MYO3B: variants seen among roughly 807,000 people sequenced by gnomAD.
The protein encoded by MYO3B is myosin-IIIb.
A neutral mutation model predicts 174.6 loss-of-function variants in MYO3B; 156 were observed. The observed-to-expected ratio is 0.89, with a 90% CI of 0.78 to 1.02. The LOEUF (loss-of-function observed/expected upper bound fraction) is 1.02. Among genes scored for constraint, MYO3B ranks in the 50% least tolerant of loss-of-function variants. The probability of loss-of-function intolerance (pLI) is 0.00; values close to 1 mark genes in which losing one functional copy is unlikely to be tolerated. For missense variants in MYO3B, 1,632 were observed against 1,639.4 expected, an observed-to-expected ratio of 1.00 and a Z score of 0.08; for synonymous variants, 563 against 569.1, an observed-to-expected ratio of 0.99 and a Z score of 0.15.
intron 32 of MYO3B, among the ~76,000 whole-genome samples, chr2:170,577,389 G>C (rs561873782): frequency 6.6e-6 from 1 of 152,140 alleles, no homozygotes; most frequent in African/African-American, 2.4e-5. Flanking sequence ...TACCTGGCAG[G>C]CACTCAATAA....
Position 170,214,759 on chromosome 2 carries a change from A to G in MYO3B, c.457A>G (p.Ile153Val). The change falls in exon 5 of 35, where the codon ATC becomes GTC. Residue 153 changes from isoleucine (I) to valine (V), a missense_variant. Coordinates refer to ENST00000408978, the MANE Select transcript of MYO3B (RefSeq NM_138995.5). ...TCAGCATTTGCACAACAACCGAATCATCCACCGTGATGTGAAGGGGAATAA... is the reference window on the plus strand; with the variant it reads ...TCAGCATTTGCACAACAACCGAATCGTCCACCGTGATGTGAAGGGGAATAA... ...GLQHLHNNRIIHRDVKGNNIL... is the reference protein window; with the variant it reads ...GLQHLHNNRIVHRDVKGNNIL... 1 of 1,614,182 alleles carries G rather than the reference A, an allele frequency of 6.2e-7. No homozygotes were observed. Among genetic ancestry groups the G allele is most frequent in the South Asian group, 1.1e-5 (1 of 91,070 alleles).
chr2:170,389,146 A>G (rs1439427226), intron 14 of MYO3B, among the ~76,000 whole-genome samples: 9 of 152,250 alleles, frequency 5.9e-5, no homozygotes, highest in African/African-American at 2.2e-4. Context: ...CATATGCAAC[A>G]TGGGCATAAT....
In MYO3B at chr2:170,443,987, G is replaced by C. The variant is rs752902189; in HGVS notation, c.2671G>C (p.Ala891Pro). ...TKTGNLAQTR[A>P]RITVASSSLP... ...CTCAGGTAATTTGGCCCAGACAAGA[G>C]CTAGGATAACAGTGGCCTCAAGTTC... is the stretch of plus-strand genomic sequence containing the variant. The change falls in exon 23 of 35, where the codon GCT becomes CCT. Residue 891 changes from alanine to proline, a missense_variant. Ala to Pro is a conservative substitution (Grantham distance 27). Coordinates refer to ENST00000408978, the MANE Select transcript of MYO3B (RefSeq NM_138995.5). 4.3e-6 allele frequency: 7 copies of C among 1,612,914 alleles called. No homozygotes were observed. The South Asian group carries it at 7.7e-5, about 18-fold the overall frequency.
chr2:170,599,522 G>A (rs552343036), intron 32 of MYO3B, among the ~76,000 whole-genome samples: 10 of 152,254 alleles, frequency 6.6e-5, no homozygotes, highest in South Asian at 2.1e-4. Context: ...CAAGGCAGGC[G>A]GATCATTTGA....
chr2:170,499,043 GTT>G (rs1276373047), intron 26 of MYO3B, among the ~76,000 whole-genome samples: 1 of 152,184 alleles, frequency 6.6e-6, no homozygotes, highest in Non-Finnish European at 1.5e-5. Context: ...TTCTAGTAGA[GTT>G]TTGTCCATTT....
At chr2:170,218,699 G>T (rs1574599131) in intron 6 of MYO3B, among the ~76,000 whole-genome samples, 1 of 152,090 alleles carries the variant, frequency 6.6e-6, no homozygotes, top group Non-Finnish European at 1.5e-5. Flanking sequence ...GTGTTGGCTT[G>T]GTGCCAACTT....
rs1684614712 is a variant in MYO3B at position 170,466,116 on chromosome 2, C to T, written c.2809-390C>T. Reference sequence around the variant, plus strand: ...GATTTGCTTAGACTATCTGGTGGTTCTTAGGCTGAAGAAGCAAATAGCCCC... The same window carrying T: ...GATTTGCTTAGACTATCTGGTGGTTTTTAGGCTGAAGAAGCAAATAGCCCC... On this transcript the variant is annotated intron_variant, in intron 24 of 34. Coordinates refer to ENST00000408978, the MANE Select transcript of MYO3B (RefSeq NM_138995.5). Among the ~76,000 whole-genome samples, 4 of 152,154 alleles carry T rather than the reference C, an allele frequency of 2.6e-5. No individual in the cohort carries two copies. In the South Asian group the frequency reaches 8.3e-4, roughly 32 times the overall value.
chr2:170,209,834 A>G (rs1025102283), intron 3 of MYO3B, among the ~76,000 whole-genome samples: 1 of 152,210 alleles, frequency 6.6e-6, no homozygotes, highest in Non-Finnish European at 1.5e-5. Flanking sequence ...ACATATTAAT[A>G]TTATTCATCA....
At chr2:170,190,525 T>G (rs552022185) in intron 1 of MYO3B, among the ~76,000 whole-genome samples, 24 of 152,182 alleles carry the variant, frequency 1.6e-4, no homozygotes, top group African/African-American at 5.3e-4. Flanking sequence ...ATGTACCTGG[T>G]GCTCTATTAT....
At chr2:170,493,175 A>G (rs959898918) in intron 25 of MYO3B, among the ~76,000 whole-genome samples, 5 of 152,192 alleles carry the variant, frequency 3.3e-5, no homozygotes, top group Non-Finnish European at 7.3e-5. Context: ...AACATGGAAA[A>G]CCTATTATAT....
At chr2:170,492,087 G>A (rs1268804936) in intron 25 of MYO3B, among the ~76,000 whole-genome samples, 1 of 152,032 alleles carries the variant, frequency 6.6e-6, no homozygotes, top group Non-Finnish European at 1.5e-5. Flanking sequence ...GATTTGTTAG[G>A]TAGAACCAGA....
intron 7 of MYO3B, among the ~76,000 whole-genome samples, chr2:170,310,916 A>T (rs1352368828): frequency 6.6e-6 from 1 of 151,702 alleles, no homozygotes; most frequent in East Asian, 1.9e-4. Flanking sequence ...TGCATGTTAG[A>T]CCCCCCACTT....
chr2:170,245,356 TG>T (rs1019354711), intron 7 of MYO3B, among the ~76,000 whole-genome samples: 17 of 152,068 alleles, frequency 1.1e-4, no homozygotes, highest in Admixed American at 9.8e-4. Context: ...GTAAGCCCAA[TG>T]GGGGGATCAA....
At chr2:170,614,505 C>A (rs1695322442) in intron 32 of MYO3B, among the ~76,000 whole-genome samples, 1 of 152,166 alleles carries the variant, frequency 6.6e-6, no homozygotes, top group South Asian at 2.1e-4. Flanking sequence ...GCCATTTCCA[C>A]AAATAAGTTG....
chr2:170,408,928 G>T (rs151146161), intron 22 of MYO3B, among the ~76,000 whole-genome samples: 2 of 152,096 alleles, frequency 1.3e-5, no homozygotes, highest in African/African-American at 2.4e-5. Flanking sequence ...AGCAGCCGGG[G>T]TTTAATTCAA....
intron 27 of MYO3B, 78 bp downstream of exon 27, chr2:170,499,886 TCTTCTAAGTGGTTTCCCTCCCTCCCTTC>T: frequency 7.1e-7 from 1 of 1,409,502 alleles, no homozygotes. Context: ...CAACTGTTTC[TCTTCTAAGTGGTTTCCCTCCCTCCCTTC>T]CTTCTCCCCT....
chr2:170,337,698 C>T (rs966713252), intron 8 of MYO3B, among the ~76,000 whole-genome samples: 3 of 152,152 alleles, frequency 2.0e-5, no homozygotes, highest in Admixed American at 6.5e-5. Flanking sequence ...TGATAGCTTA[C>T]TGTTGACTGG....
intron 32 of MYO3B, among the ~76,000 whole-genome samples, chr2:170,598,292 T>C (rs534392199): frequency 2.6e-4 from 39 of 152,300 alleles, no homozygotes; most frequent in African/African-American, 8.7e-4. Context: ...TCTGCCTGCT[T>C]CAGCCGGCTG....
At chr2:170,236,676 C>T (rs1182795375) in intron 7 of MYO3B, among the ~76,000 whole-genome samples, 5 of 152,146 alleles carry the variant, frequency 3.3e-5, no homozygotes, top group Admixed American at 6.5e-5. Flanking sequence ...ACTTTCTATT[C>T]TGTGTATTCA....
Sources: gnomAD v4.1 joint callset for allele counts (sites outside exome capture counted in the v4.1 genomes callset) on GRCh38, gnomAD v4.1.1 for gene constraint, MANE v1.5 for transcripts, NCBI Gene and HGNC (gene_info 2026-07-23, HGNC 2026-07-21) for gene names.